Variants in TTC17 observed in about 807,000 individuals in gnomAD.
TTC17 encodes the protein tetratricopeptide repeat protein 17.
In TTC17, 58 loss-of-function variants were observed where a neutral mutation model predicts 143.8. The ratio of observed to expected loss-of-function variants is 0.40; its 90% confidence interval spans 0.33 to 0.50. The LOEUF is 0.50. TTC17 is among the 20% of genes least tolerant of loss of function. TTC17 has a pLI of 0.49. For missense variants in TTC17, 1,273 were observed against 1,392.5 expected (o/e 0.91, Z 1.37); for synonymous variants, 501 against 497.8 (o/e 1.01, Z -0.09).
At chr11:43,481,524 G>A (rs960710915) in intron 21 of TTC17, among the ~76,000 whole-genome samples, 1 of 152,116 alleles carries the variant, frequency 6.6e-6, no homozygotes, top group Admixed American at 6.5e-5. Context: ...CTCTTTGTGG[G>A]AGGTTTTTAA....
intron 21 of TTC17, among the ~76,000 whole-genome samples, chr11:43,485,883 G>GTTTTTTTTTTT (rs751026290): frequency 1.8e-5 from 2 of 112,616 alleles, no homozygotes; most frequent in Admixed American, 9.1e-5. Context: ...TTGGTTTTTT[G>GTTTTTTTTTTT]TTTTTTTTTT....
At chr11:43,410,110 C>T (rs1858341559) in intron 15 of TTC17, among the ~76,000 whole-genome samples, 1 of 152,296 alleles carries the variant, frequency 6.6e-6, no homozygotes, top group East Asian at 1.9e-4. Flanking sequence ...GCCTTGACCT[C>T]CCAAAGTGCT....
chr11:43,468,880 G>A (rs186694748), intron 21 of TTC17, among the ~76,000 whole-genome samples: 5 of 152,164 alleles, frequency 3.3e-5, no homozygotes, highest in Admixed American at 6.5e-5. Flanking sequence ...AGCTATGATT[G>A]TGCCACTGCA....
intron 10 of TTC17, 170 bp downstream of exon 10, chr11:43,401,728 C>G: frequency 1.9e-6 from 1 of 520,282 alleles, no homozygotes; most frequent in Non-Finnish European, 3.4e-6. Context: ...CCTGTAATCT[C>G]AGCACTTAGG....
chr11:43,414,124 C>T (rs1365953774), intron 15 of TTC17, among the ~76,000 whole-genome samples: 1 of 152,110 alleles, frequency 6.6e-6, no homozygotes, highest in Non-Finnish European at 1.5e-5. Flanking sequence ...CTGATGTATA[C>T]AGAAGCATGA....
intron 21 of TTC17, among the ~76,000 whole-genome samples, chr11:43,463,922 C>T (rs1363448545): frequency 5.9e-5 from 9 of 152,304 alleles, no homozygotes; most frequent in Admixed American, 5.9e-4. Flanking sequence ...ACTGTAAAGG[C>T]AGCATCTCAT....
intron 16 of TTC17, among the ~76,000 whole-genome samples, chr11:43,433,572 A>C (rs1185051555): frequency 6.6e-6 from 1 of 152,204 alleles, no homozygotes; most frequent in Non-Finnish European, 1.5e-5. Flanking sequence ...GAGGTCATGC[A>C]GAAGGAGTAA....
intron 21 of TTC17, among the ~76,000 whole-genome samples, chr11:43,466,101 TA>T (rs1947966774): frequency 6.6e-6 from 1 of 151,912 alleles, no homozygotes; most frequent in Non-Finnish European, 1.5e-5. Flanking sequence ...ATAACCCAAT[TA>T]AAAAATATAC....
intron 16 of TTC17, among the ~76,000 whole-genome samples, chr11:43,426,549 C>T (rs1266846811): frequency 2.6e-5 from 4 of 152,210 alleles, no homozygotes; most frequent in Non-Finnish European, 5.9e-5. Flanking sequence ...ATCCACAAGT[C>T]TCTGCTCATA....
chr11:43,373,943 T>C (rs949272007), intron 1 of TTC17, among the ~76,000 whole-genome samples: 1 of 152,232 alleles, frequency 6.6e-6, no homozygotes, highest in Non-Finnish European at 1.5e-5. Context: ...CAGATGCATA[T>C]TTTGTTTCTG....
chr11:43,391,728 T>C (rs1857397490), intron 4 of TTC17, 93 bp from the exon 5 acceptor site: 1 of 1,470,678 alleles, frequency 6.8e-7, no homozygotes, highest in South Asian at 1.3e-5. Flanking sequence ...TTCCAAAATA[T>C]TAGTATTTCA....
At chr11:43,381,400 G>A (rs1011285308) in intron 2 of TTC17, among the ~76,000 whole-genome samples, 1 of 152,126 alleles carries the variant, frequency 6.6e-6, no homozygotes, top group Non-Finnish European at 1.5e-5. Flanking sequence ...GACTATAGTA[G>A]TGTCTGATAT....
rs1179472019 is a variant in TTC17 at position 43,443,443 on chromosome 11, C to T, written c.2370C>T (p.Gly790=). ...TTCAACAGGCATGGCCTTTGGAAGGCTTTGGGGGTGCACTAGAGATGAAAG... is the reference window on the plus strand; with the variant it reads ...TTCAACAGGCATGGCCTTTGGAAGGTTTTGGGGGTGCACTAGAGATGAAAG... The part of the protein sequence containing the change: ...DEFQQAWPLE[G]FGGALEMKGR... Residue 790 remains glycine, a synonymous_variant, in exon 17 of 24, where the codon GGC becomes GGT. Coordinates refer to ENST00000039989, the MANE Select transcript of TTC17 (RefSeq NM_018259.6). The T allele has an allele frequency of 1.2e-6, 2 of 1,614,008 alleles. No homozygotes were observed. The highest frequency in any genetic ancestry group is 1.3e-5 in the African/African-American group (1 of 74,992).
chr11:43,460,716 G>A (rs923780209), intron 21 of TTC17, among the ~76,000 whole-genome samples: 1 of 152,188 alleles, frequency 6.6e-6, no homozygotes, highest in African/African-American at 2.4e-5. Flanking sequence ...CTGCAGACAT[G>A]TGGGGACTCC....
intron 21 of TTC17, among the ~76,000 whole-genome samples, chr11:43,460,089 A>G (rs1315334525): frequency 2.0e-5 from 3 of 151,730 alleles, no homozygotes; most frequent in Admixed American, 1.3e-4. Context: ...CCATAATCTT[A>G]CAGTTAACAC....
chr11:43,444,378 C>A, intron 18 of TTC17, 169 bp downstream of exon 18: 1 of 557,894 alleles, frequency 1.8e-6, no homozygotes, highest in Non-Finnish European at 2.8e-6. Flanking sequence ...TGTTCAAACT[C>A]TAAAACATTA....
intron 2 of TTC17, among the ~76,000 whole-genome samples, chr11:43,382,969 G>A (rs1296263376): frequency 6.6e-6 from 1 of 151,612 alleles, no homozygotes; most frequent in Non-Finnish European, 1.5e-5. Flanking sequence ...GCATGAACAC[G>A]GCTCACTTCA....
At chr11:43,449,933 T>C in intron 19 of TTC17, 149 bp from the exon 20 acceptor site, 1 of 855,956 alleles carries the variant, frequency 1.2e-6, no homozygotes, top group East Asian at 2.8e-5. Flanking sequence ...GAAGAAAACT[T>C]ACTTCGTTTA....
chr11:43,363,136 G>A (rs1005656605), intron 1 of TTC17, among the ~76,000 whole-genome samples: 5 of 152,176 alleles, frequency 3.3e-5, no homozygotes, highest in Non-Finnish European at 5.9e-5. Flanking sequence ...ACTAAAAGGA[G>A]CACTAGCGTA....
Sources: gnomAD v4.1 joint callset for allele counts (sites outside exome capture counted in the v4.1 genomes callset) on GRCh38, gnomAD v4.1.1 for gene constraint, MANE v1.5 for transcripts, NCBI Gene and HGNC (gene_info 2026-07-23, HGNC 2026-07-21) for gene names.